Variants in TRMT2B observed in about 807,000 individuals in gnomAD.
TRMT2B encodes tRNA methyltransferase 2B.
A neutral mutation model predicts 39.7 loss-of-function variants in TRMT2B; 34 were observed. That is an observed-to-expected ratio of 0.86 (90% CI 0.65 to 1.14). The LOEUF (loss-of-function observed/expected upper bound fraction) is 1.14. Among genes scored for constraint, TRMT2B ranks in the 50% most tolerant of loss-of-function variants. The pLI, the probability that TRMT2B is intolerant of heterozygous loss-of-function variation, is 0.00. For synonymous variants in TRMT2B, 132 were observed against 137.3 expected (o/e 0.96, Z 0.27); for missense variants, 318 against 377.2 (o/e 0.84, Z 1.30).
intron 7 of TRMT2B, among the ~76,000 whole-genome samples, chrX:101,032,194 G>A (rs949751766): frequency 9.0e-6 from 1 of 110,701 alleles, no homozygotes; most frequent in Non-Finnish European, 1.9e-5. Flanking sequence ...GCTGAGGCAG[G>A]AGAATCACTT....
the TRMT2B span, among the ~76,000 whole-genome samples, chrX:100,980,757 C>T: frequency 1.8e-5 from 2 of 111,148 alleles, no homozygotes; most frequent in Non-Finnish European, 3.8e-5. Context: ...TACTGCCTGG[C>T]GCTTGCTTGG....
chrX:101,015,296 T>C (rs1393623181), intron 13 of TRMT2B, among the ~76,000 whole-genome samples: 1 of 111,953 alleles, frequency 8.9e-6, no homozygotes, highest in Non-Finnish European at 1.9e-5. Context: ...AAAGGGTATA[T>C]ATACATTTGT....
chrX:100,975,310 T>C, the TRMT2B span, among the ~76,000 whole-genome samples: 1 of 111,339 alleles, frequency 9.0e-6, no homozygotes, highest in Non-Finnish European at 1.9e-5. Context: ...TCCATCATTA[T>C]CTACCTGCTA....
In TRMT2B at chrX:101,021,990, T is replaced by G; in HGVS notation, c.829A>C (p.Thr277Pro). The change falls in exon 9 of 14, where the codon ACC becomes CCC. Residue 277 changes from threonine to proline, a missense_variant. By Grantham distance (38) the Thr-to-Pro change is conservative. Transcript: ENST00000372936. ...IRGPGAACGL[T>P]SLYFQESTMT... ...TACCTTTCCTGGAAGTAAAGTGAGG[T>G]CAAGCCACAGGCTGCTCCAGGACCT... is the stretch of plus-strand genomic sequence containing the variant. 1 of 1,210,043 alleles carries G rather than the reference T, an allele frequency of 8.3e-7. No individual in the cohort carries two copies. The highest frequency in any genetic ancestry group is 1.1e-6 in the Non-Finnish European group (1 of 893,929).
chrX:101,025,442 A>G (rs2087016791), intron 7 of TRMT2B, among the ~76,000 whole-genome samples: 1 of 111,515 alleles, frequency 9.0e-6, no homozygotes, highest in Non-Finnish European at 1.9e-5. Flanking sequence ...CATCTGATTT[A>G]CTAGGTCCTT....
chrX:101,045,906 G>C (rs1309953561), intron 2 of TRMT2B, among the ~76,000 whole-genome samples: 1 of 109,260 alleles, frequency 9.2e-6, no homozygotes, highest in Non-Finnish European at 1.9e-5. Context: ...CAGCACTTTG[G>C]GAAGCTGAGG....
chrX:101,001,958 TG>T, the TRMT2B span, among the ~76,000 whole-genome samples: 9 of 110,189 alleles, frequency 8.2e-5, no homozygotes, highest in Non-Finnish European at 1.5e-4. Context: ...CAAGACATGG[TG>T]TTTTTTTGTT....
At chrX:100,983,993 A>G in the TRMT2B span, among the ~76,000 whole-genome samples, 1 of 111,988 alleles carries the variant, frequency 8.9e-6, no homozygotes, top group African/African-American at 3.2e-5. Context: ...ATGGGTGCAG[A>G]GAATGTATAA....
At chrX:101,041,403 TTATATAAA>T in intron 3 of TRMT2B, 32 bp from the exon 4 acceptor site, 1 of 1,159,342 alleles carries the variant, frequency 8.6e-7, no homozygotes, top group Non-Finnish European at 1.2e-6. Flanking sequence ...AATTCTTTAA[TTATATAAA>T]TATGTACTGA....
At chrX:101,003,078 CTTTT>C in the TRMT2B span, among the ~76,000 whole-genome samples, 1 of 88,071 alleles carries the variant, frequency 1.1e-5, no homozygotes, top group Non-Finnish European at 2.2e-5. Context: ...CCATGCCAAG[CTTTT>C]TTTTTTTTTT....
downstream of TRMT2B, among the ~76,000 whole-genome samples, chrX:101,005,573 CTTTTT>C (rs10567072): frequency 2.9e-4 from 27 of 91,737 alleles, no homozygotes; most frequent in Admixed American, 3.7e-4. Context: ...ATTCAGCTGC[CTTTTT>C]TTTTTTTTTT....
the TRMT2B span, chrX:100,985,761 C>G: frequency 8.3e-7 from 1 of 1,211,250 alleles, no homozygotes; most frequent in East Asian, 3.0e-5. Flanking sequence ...TGAATGGAGA[C>G]CTGAAGGGCC....
chrX:101,028,253 G>A (rs1013568367), intron 7 of TRMT2B, among the ~76,000 whole-genome samples: 1 of 108,134 alleles, frequency 9.2e-6, no homozygotes, highest in Non-Finnish European at 1.9e-5. Context: ...CCAGTAGCTG[G>A]GATTACAGGT....
chrX:101,051,150 AG>A (rs2089065025), intron 2 of TRMT2B, 100 bp downstream of exon 2: 1 of 360,855 alleles, frequency 2.8e-6, no homozygotes, highest in South Asian at 1.4e-4. Context: ...GGAATTGATC[AG>A]GAAGAGTCCT....
intron 7 of TRMT2B, among the ~76,000 whole-genome samples, chrX:101,032,190 G>A (rs1019417996): frequency 9.0e-6 from 1 of 110,782 alleles, no homozygotes; most frequent in Non-Finnish European, 1.9e-5. Context: ...GGAGGCTGAG[G>A]CAGGAGAATC....
chrX:100,989,347 C>T, the TRMT2B span, among the ~76,000 whole-genome samples: 5 of 111,305 alleles, frequency 4.5e-5, no homozygotes, highest in African/African-American at 1.3e-4. Context: ...CGTAGTGGCT[C>T]ACACCTGTAA....
intron 6 of TRMT2B, 136 bp downstream of exon 6, chrX:101,036,838 T>C (rs1051922115): frequency 4.1e-6 from 2 of 491,331 alleles, no homozygotes; most frequent in African/African-American, 2.3e-5. Flanking sequence ...GTAATCAACC[T>C]TGTGATCACG....
chrX:101,003,220 TA>T, the TRMT2B span, among the ~76,000 whole-genome samples: 7 of 109,135 alleles, frequency 6.4e-5, no homozygotes, highest in African/African-American at 2.3e-4. Context: ...CTGACCAAAA[TA>T]AATTAAAAAA....
chrX:101,031,870 G>A (rs1328198182), intron 7 of TRMT2B, among the ~76,000 whole-genome samples: 1 of 111,201 alleles, frequency 9.0e-6, no homozygotes, highest in Non-Finnish European at 1.9e-5. Context: ...TGGTATGTAG[G>A]TCAATAAAAT....
Sources: allele counts gnomAD v4.1 joint callset (sites outside exome capture counted in the v4.1 genomes callset), GRCh38; gene constraint gnomAD v4.1.1; transcripts MANE v1.5; gene names NCBI Gene and HGNC (gene_info 2026-07-23, HGNC 2026-07-21).